CD226: variants seen among roughly 807,000 people sequenced by gnomAD.
CD226 encodes CD226 antigen.
CD226 carries 24 observed loss-of-function variants against 34.9 expected under a neutral mutation model. That is an observed-to-expected ratio of 0.69 (90% confidence interval 0.50 to 0.97). The LOEUF (loss-of-function observed/expected upper bound fraction) is 0.97. Among genes scored for constraint, CD226 ranks in the 50% least tolerant of loss-of-function variants. The pLI, the probability that CD226 is intolerant of heterozygous loss-of-function variation, is 0.00. For synonymous variants in CD226, 148 were observed against 147.4 expected, an observed-to-expected ratio of 1.00 and a Z score of -0.03; for missense variants, 397 against 412.7, an observed-to-expected ratio of 0.96 and a Z score of 0.33.
intron 3 of CD226, among the ~76,000 whole-genome samples, chr18:69,889,339 A>C (rs1447690777): frequency 6.6e-6 from 1 of 152,192 alleles, no homozygotes; most frequent in African/African-American, 2.4e-5. Context: ...AGATAATAAA[A>C]GGCTGAGGTT....
At chr18:69,956,552 T>C (rs1026156836) in intron 1 of CD226, 1 of 152,224 alleles carries the variant, frequency 6.6e-6, no homozygotes, top group Non-Finnish European at 1.5e-5. Flanking sequence ...TGGCACCCTT[T>C]TACTACAAAC....
In CD226 at chr18:69,946,834, G is replaced by T; in HGVS notation, c.282C>A (p.Phe94Leu). 1 of 1,614,124 alleles carries T rather than the reference G, an allele frequency of 6.2e-7. No homozygotes were observed. The highest frequency in any genetic ancestry group is 8.5e-7 in the Non-Finnish European group (1 of 1,180,012). The stretch of plus-strand genomic sequence containing the variant: ...CATCATCTTCAGAGGCATTCCGAAA[G>T]AAAAGAGTCATGTTATTGGAAGCCA... ...STMASNNMTL[F>L]FRNASEDDVG... The change falls in exon 2 of 6, where the codon TTC (phenylalanine) becomes TTA (leucine). Residue 94 changes from phenylalanine (F) to leucine (L), a missense_variant. Phe to Leu is a conservative substitution (Grantham distance 22). Coordinates refer to ENST00000582621, the MANE Select transcript of CD226 (RefSeq NM_001303618.2).
chr18:69,882,403 T>G (rs1222599721), intron 3 of CD226, among the ~76,000 whole-genome samples: 1 of 152,254 alleles, frequency 6.6e-6, no homozygotes, highest in Non-Finnish European at 1.5e-5. Context: ...CTACTTCTTC[T>G]GGTGCGATAA....
intron 3 of CD226, among the ~76,000 whole-genome samples, chr18:69,893,103 G>A (rs183999525): frequency 6.6e-6 from 1 of 152,004 alleles, no homozygotes; most frequent in East Asian, 1.9e-4. Context: ...TATAAAAATT[G>A]AAAAAAGGAA....
intron 3 of CD226, among the ~76,000 whole-genome samples, chr18:69,886,520 A>C (rs897481144): frequency 2.0e-5 from 3 of 152,140 alleles, no homozygotes; most frequent in Non-Finnish European, 4.4e-5. Flanking sequence ...AGCTTGACCA[A>C]TGTGGTGAAA....
intron 2 of CD226, among the ~76,000 whole-genome samples, chr18:69,909,273 T>A (rs957493428): frequency 6.6e-6 from 1 of 152,204 alleles, no homozygotes; most frequent in African/African-American, 2.4e-5. Flanking sequence ...ATTTAGTGAA[T>A]GATACCAGGA....
At position 69,859,216 on chromosome 18, in the gene CD226, T is replaced by G. The variant is rs575019791; in HGVS notation, c.*5098A>C. 1 of 152,234 alleles carries G rather than the reference T, an allele frequency of 6.6e-6. No homozygotes were observed. Among genetic ancestry groups the G allele is most frequent in the African/African-American group, 2.4e-5 (1 of 41,554 alleles). 9.4% of individuals were successfully genotyped at this position (152,234 alleles called of 1,614,324 possible). On this transcript the variant is annotated 3_prime_UTR_variant, in exon 6 of 6. Coordinates refer to ENST00000582621, the MANE Select transcript of CD226 (RefSeq NM_001303618.2). ...CAGGATGGCAGTTGTGTGCCTCTCC[T>G]TCTAGCCCCAAGTCAAGCTTCTAAT... is the stretch of plus-strand genomic sequence containing the variant.
At chr18:69,933,988 A>G (rs929797469) in intron 2 of CD226, among the ~76,000 whole-genome samples, 1 of 152,232 alleles carries the variant, frequency 6.6e-6, no homozygotes, top group East Asian at 1.9e-4. Flanking sequence ...ATGAGCAACT[A>G]TGTTTCTTAA....
rs1264756585 is a variant in CD226, at chr18:69,859,089, T to C, written c.*5225A>G. 3.3e-5 allele frequency: 5 copies of C among 152,092 alleles called. No individual in the cohort carries two copies. The highest frequency in any genetic ancestry group is 5.9e-5 in the Non-Finnish European group (4 of 68,020). 9.4% of individuals were successfully genotyped at this position (152,092 alleles called of 1,614,324 possible). ...CCTTGTTATGGGCACTCGTTAAACA[T>C]TTACAACACGGAAACACATGTCCTT... On this transcript the variant is annotated 3_prime_UTR_variant, in exon 6 of 6. Transcript: ENST00000582621.
intron 5 of CD226, among the ~76,000 whole-genome samples, chr18:69,866,353 G>A (rs1291912624): frequency 2.0e-5 from 3 of 152,128 alleles, no homozygotes; most frequent in South Asian, 2.1e-4. Flanking sequence ...TGGGGATAAC[G>A]AGCATGAAAA....
intron 2 of CD226, among the ~76,000 whole-genome samples, chr18:69,898,201 AAG>A (rs1985409930): frequency 6.6e-6 from 1 of 152,124 alleles, no homozygotes; most frequent in South Asian, 2.1e-4. Flanking sequence ...AAGAACATAA[AAG>A]AAATGAAAAA....
chr18:69,868,197 A>G (rs1310303355), intron 4 of CD226, among the ~76,000 whole-genome samples: 1 of 152,216 alleles, frequency 6.6e-6, no homozygotes, highest in East Asian at 1.9e-4. Flanking sequence ...AGCTGATATA[A>G]CTGTATCCAA....
chr18:69,929,887 T>C (rs1223450399), intron 2 of CD226, among the ~76,000 whole-genome samples: 1 of 152,178 alleles, frequency 6.6e-6, no homozygotes, highest in Non-Finnish European at 1.5e-5. Context: ...TCAATTTCTC[T>C]CTCTGTCTCT....
chr18:69,906,136 C>T (rs1038405477), intron 2 of CD226, among the ~76,000 whole-genome samples: 1 of 151,994 alleles, frequency 6.6e-6, no homozygotes, highest in African/African-American at 2.4e-5. Flanking sequence ...TGATGCATGA[C>T]ATATGAAAAA....
At chr18:69,943,983 T>G (rs531467608) in intron 2 of CD226, among the ~76,000 whole-genome samples, 1 of 152,056 alleles carries the variant, frequency 6.6e-6, no homozygotes, top group Non-Finnish European at 1.5e-5. Flanking sequence ...CTTTTTTTTT[T>G]TTTTTTTACT....
rs531047369 is a variant in CD226 at position 69,907,997 on chromosome 18, T to A, written c.383-11952A>T. On this transcript the variant is annotated intron_variant, in intron 2 of 5. Transcript: ENST00000582621. ...AGAATTATAAATTGTCAAATTACAA[T>A]TTAAAAATTAATAACAAAACAAAAC... Among the ~76,000 whole-genome samples the A allele has an allele frequency of 5.3e-5, 8 of 152,300 alleles. No individual in the cohort carries two copies. The South Asian group carries it at 1.0e-3, about 20-fold the overall frequency.
At chr18:69,901,833 C>T (rs531045280) in intron 2 of CD226, among the ~76,000 whole-genome samples, 7 of 150,892 alleles carry the variant, frequency 4.6e-5, no homozygotes, top group East Asian at 3.9e-4. Flanking sequence ...GAGCCGAGAT[C>T]GCACCACTGC....
intron 3 of CD226, among the ~76,000 whole-genome samples, chr18:69,889,064 C>G (rs1029892374): frequency 1.3e-5 from 2 of 151,690 alleles, no homozygotes; most frequent in Non-Finnish European, 2.9e-5. Flanking sequence ...AAAAAATGAT[C>G]TGGGCAGAGG....
At chr18:69,954,900 TTG>T (rs1392132442) in intron 1 of CD226, among the ~76,000 whole-genome samples, 1 of 152,226 alleles carries the variant, frequency 6.6e-6, no homozygotes, top group African/African-American at 2.4e-5. Flanking sequence ...GCTATTTTTG[TTG>T]TGTCAGCAGC....
Sources: allele counts gnomAD v4.1 joint callset (sites outside exome capture counted in the v4.1 genomes callset), GRCh38; gene constraint gnomAD v4.1.1; transcripts MANE v1.5; gene names NCBI Gene and HGNC (gene_info 2026-07-23, HGNC 2026-07-21).